Variants in AK2 observed in about 807,000 individuals in gnomAD.
AK2 encodes adenylate kinase 2.
Under a neutral mutation model 24.6 loss-of-function variants are expected in AK2, and 15 were observed. That is an observed-to-expected ratio of 0.61 (90% confidence interval 0.41 to 0.94). The LOEUF is 0.94. Ranked by LOEUF, AK2 falls within the 40% of genes least tolerant of loss-of-function variation. AK2 has a pLI of 0.00. For synonymous variants in AK2, 102 were observed against 114.0 expected, an observed-to-expected ratio of 0.90 and a Z score of 0.67; for missense variants, 257 against 304.1, an observed-to-expected ratio of 0.85 and a Z score of 1.15.
At position 33,012,350 on chromosome 1, in the gene AK2, A is replaced by G. The variant is rs1330718429; in HGVS notation, c.*831T>C. 4 of 1,528,206 alleles carry G rather than the reference A, an allele frequency of 2.6e-6. No homozygotes were observed. Among genetic ancestry groups the G allele is most frequent in the Admixed American group, 2.0e-5 (1 of 50,838 alleles). 94.7% of individuals were successfully genotyped at this position (1,528,206 alleles called of 1,614,324 possible). On this transcript the variant is annotated 3_prime_UTR_variant, in exon 6 of 6. Transcript: ENST00000672715. Reference sequence around the variant, plus strand: ...TGCCTTTTTCCTTCCACCTAGGGGGAAAAAATTAATGATCCCTGTTCACAC... The same window carrying G: ...TGCCTTTTTCCTTCCACCTAGGGGGGAAAAATTAATGATCCCTGTTCACAC...
In AK2 at chr1:33,010,984, G is replaced by T; in HGVS notation, c.*2197C>A. 1.3e-6 allele frequency: 2 copies of T among 1,535,008 alleles called. No individual in the cohort carries two copies. Among genetic ancestry groups the T allele is most frequent in the South Asian group, 1.2e-5 (1 of 81,928 alleles). On this transcript the variant is annotated 3_prime_UTR_variant, in exon 6 of 6. Transcript: ENST00000672715. ...AAAAGCAGAACCTGCTGAGGCTGAG[G>T]AACTCTGGAATTAAATGAAGCAAAA...
At position 33,036,755 on chromosome 1, in the gene AK2, C is replaced by T. The variant is rs1285282131; in HGVS notation, c.74G>A (p.Gly25Glu). The T allele has an allele frequency of 6.3e-7, 1 of 1,594,212 alleles. No individual in the cohort carries two copies. Among genetic ancestry groups the T allele is most frequent in the East Asian group, 2.3e-5 (1 of 44,132 alleles). Residue 25 changes from glycine (G) to glutamate (E), a missense_variant, in exon 1 of 6, where the codon GGG becomes GAG. Physicochemically the swap from Gly to Glu is moderately conservative, Grantham distance 98 (BLOSUM62 -2). Transcript: ENST00000672715. ...GCTCACCTGGGTCCCTTTACCGGCC[C>T]CGGGAGGCCCCAGCAGCACGGCCCG... is the stretch of plus-strand genomic sequence containing the variant. ...GIRAVLLGPP[G>E]AGKGTQAPRL...
chr1:33,013,694 C>T (rs1638995682), intron 5 of AK2, among the ~76,000 whole-genome samples: 3 of 152,050 alleles, frequency 2.0e-5, no homozygotes, highest in African/African-American at 4.8e-5. Context: ...TGTGCTCAGG[C>T]GATTCAGCTT....
chr1:33,024,337 A>G, intron 2 of AK2, 105 bp downstream of exon 2: 2 of 1,488,966 alleles, frequency 1.3e-6, no homozygotes, highest in Non-Finnish European at 1.9e-6. Flanking sequence ...TTTTACATTA[A>G]TTAAATTAAT....
At chr1:33,016,784 CA>C (rs1639217339) in intron 4 of AK2, among the ~76,000 whole-genome samples, 1 of 151,528 alleles carries the variant, frequency 6.6e-6, no homozygotes, top group Admixed American at 6.6e-5. Context: ...CGGCTCACTG[CA>C]ACCTCTGCCT....
At chr1:33,027,761 A>G (rs531097385) in intron 1 of AK2, among the ~76,000 whole-genome samples, 88 of 151,942 alleles carry the variant, frequency 5.8e-4, no homozygotes, top group Non-Finnish European at 9.6e-4. Flanking sequence ...AAAAAAAAAA[A>G]AAAGAAAAAG....
Position 33,008,442 on chromosome 1 carries a change from T to C in AK2, c.*4739A>G, listed in dbSNP as rs1344441500. 2 of 453,954 alleles carry C rather than the reference T, an allele frequency of 4.4e-6. No individual in the cohort carries two copies. The highest frequency in any genetic ancestry group is 8.8e-6 in the Non-Finnish European group (2 of 226,772). The allele number at this position is 453,954 out of a possible 1,614,324, so 28.1% of individuals were successfully genotyped here. On this transcript the variant is annotated 3_prime_UTR_variant, in exon 6 of 6. Coordinates refer to ENST00000672715, the MANE Select transcript of AK2 (RefSeq NM_001625.4). ...TGCACACAGGAGATCCTAAGACACATACCCTAGGCCCTCAGAGCCGGCAGT... is the reference window on the plus strand; with the variant it reads ...TGCACACAGGAGATCCTAAGACACACACCCTAGGCCCTCAGAGCCGGCAGT...
chr1:33,028,230 G>A (rs1266162848), intron 1 of AK2, among the ~76,000 whole-genome samples: 5 of 152,036 alleles, frequency 3.3e-5, no homozygotes, highest in East Asian at 3.9e-4. Flanking sequence ...CCGGCTGGGC[G>A]CGGTGGCTCA....
chr1:33,022,689 C>T (rs1329722316), intron 2 of AK2, among the ~76,000 whole-genome samples: 1 of 152,064 alleles, frequency 6.6e-6, no homozygotes, highest in Non-Finnish European at 1.5e-5. Flanking sequence ...CTCTCTAAAA[C>T]CCCAATAAGG....
At chr1:33,032,827 T>C (rs1294741634) in intron 1 of AK2, among the ~76,000 whole-genome samples, 7 of 152,162 alleles carry the variant, frequency 4.6e-5, no homozygotes, top group Admixed American at 3.9e-4. Context: ...GGAATACAAC[T>C]GAAAATTCCC....
Position 33,021,405 on chromosome 1 carries a change from G to C in AK2, c.387C>G (p.Ser129Arg), listed in dbSNP as rs372062388. Reference protein sequence around the residue: ...KEKLDSVIEFSIPDSLLIRRI... With the variant: ...KEKLDSVIEFRIPDSLLIRRI... ...TTCGGATCAGCAGAGAGTCTGGGATGCTGAATTCAATCACAGAATCAAGCT... is the reference window on the plus strand; with the variant it reads ...TTCGGATCAGCAGAGAGTCTGGGATCCTGAATTCAATCACAGAATCAAGCT... Residue 129 changes from serine (S) to arginine (R), a missense_variant, in exon 4 of 6, where the codon AGC (serine) becomes AGG (arginine). By Grantham distance (110) the Ser-to-Arg change is moderately radical (BLOSUM62 -1). Coordinates refer to ENST00000672715, the MANE Select transcript of AK2 (RefSeq NM_001625.4). 9.3e-6 allele frequency: 15 copies of C among 1,614,068 alleles called. No individual in the cohort carries two copies. Among genetic ancestry groups the C allele is most frequent in the Non-Finnish European group, 1.2e-5 (14 of 1,179,946 alleles).
chr1:33,013,201 C>G lies in AK2; in HGVS notation c.700G>C (p.Asp234His), dbSNP rs1339665059. ...LAAFSKATCK[D>H]LVMFI ...CAACATTAGATAAACATAACCAAGTCTTTACATGTGGCTTTGGAGAAGGCT... is the reference window on the plus strand; with the variant it reads ...CAACATTAGATAAACATAACCAAGTGTTTACATGTGGCTTTGGAGAAGGCT... The change falls in exon 6 of 6, where the codon GAC becomes CAC. Residue 234 changes from aspartate (D) to histidine (H), a missense_variant. By Grantham distance (81) the Asp-to-His change is moderately conservative (BLOSUM62 -1). Transcript: ENST00000672715. 1 of 1,614,078 alleles carries G rather than the reference C, an allele frequency of 6.2e-7. No homozygotes were observed. Among genetic ancestry groups the G allele is most frequent in the East Asian group, 2.2e-5 (1 of 44,892 alleles).
Position 33,012,671 on chromosome 1 carries a change from T to A in AK2, c.*510A>T. 4.0e-6 allele frequency: 5 copies of A among 1,264,904 alleles called. No individual in the cohort carries two copies. The highest frequency in any genetic ancestry group is 5.2e-6 in the Non-Finnish European group (5 of 968,722). The allele number at this position is 1,264,904 out of a possible 1,614,324, so 78.4% of individuals were successfully genotyped here. On this transcript the variant is annotated 3_prime_UTR_variant, in exon 6 of 6. Coordinates refer to ENST00000672715, the MANE Select transcript of AK2 (RefSeq NM_001625.4). ...TGGCACTTCAGGAGGCCAAGGTGGG[T>A]GGATTGCTTAAGCCTAGGAGTTCAA...
At position 33,021,753 on chromosome 1, in the gene AK2, G is replaced by C. The variant is rs776649848; in HGVS notation, c.220-50C>G. On this transcript the variant is annotated intron_variant, in intron 2 of 5. Transcript: ENST00000672715. ...TTGGGTTTAAATCCATTACCTAGGT[G>C]ACTGACATTAGCCCAACTCCACAGC... 48 of 1,432,556 alleles carry C rather than the reference G, an allele frequency of 3.4e-5. 1 individual carries two copies. The South Asian group carries it at 5.1e-4, about 15-fold the overall frequency. The allele number at this position is 1,432,556 out of a possible 1,614,324, so 88.7% of individuals were successfully genotyped here.
At chr1:33,022,361 T>A (rs1201795779) in intron 2 of AK2, among the ~76,000 whole-genome samples, 3 of 147,966 alleles carry the variant, frequency 2.0e-5, no homozygotes, top group Non-Finnish European at 4.5e-5. Context: ...CTTTTTTTTT[T>A]TTTTTTTTTT....
intron 4 of AK2, 120 bp from the exon 5 acceptor site, chr1:33,014,714 C>T: frequency 1.2e-6 from 1 of 824,776 alleles, no homozygotes; most frequent in South Asian, 1.3e-5. Flanking sequence ...ACCCAGCACC[C>T]AGCAGAAAAT....
At chr1:33,036,469 C>T (rs1009954969) in intron 1 of AK2, among the ~76,000 whole-genome samples, 3 of 152,200 alleles carry the variant, frequency 2.0e-5, no homozygotes, top group Admixed American at 2.0e-4. Context: ...GTCTCTAGAC[C>T]CTTAGTGGAA....
rs763055557 is a variant in AK2, at chr1:33,008,460, C to G, written c.*4721G>C. 1 of 453,978 alleles carries G rather than the reference C, an allele frequency of 2.2e-6. No individual in the cohort carries two copies. Among genetic ancestry groups the G allele is most frequent in the Admixed American group, 2.3e-5 (1 of 42,556 alleles). The allele number at this position is 453,978 out of a possible 1,614,324, so 28.1% of individuals were successfully genotyped here. A position where few individuals can be genotyped will look rare whatever the true frequency, so the allele number is the denominator to read the frequency against. ...AGACACATACCCTAGGCCCTCAGAG[C>G]CGGCAGTGACTTCTTCAAAATCAGT... On this transcript the variant is annotated 3_prime_UTR_variant, in exon 6 of 6. Transcript: ENST00000672715.
Position 33,036,874 on chromosome 1 carries a change from T to C in AK2, c.-46A>G, listed in dbSNP as rs993927571. ...GCCACCAGTTCGCACGCCTCACAGG[T>C]CCAGTGCTTCCCAGGTCAACGCACG... On this transcript the variant is annotated 5_prime_UTR_variant, in exon 1 of 6. Coordinates refer to ENST00000672715, the MANE Select transcript of AK2 (RefSeq NM_001625.4). The C allele has an allele frequency of 2.7e-6, 4 of 1,496,792 alleles. No homozygotes were observed. The highest frequency in any genetic ancestry group is 3.6e-6 in the Non-Finnish European group (4 of 1,096,120). 92.7% of individuals were successfully genotyped at this position (1,496,792 alleles called of 1,614,324 possible).
Sources: allele counts gnomAD v4.1 joint callset (sites outside exome capture counted in the v4.1 genomes callset), GRCh38; gene constraint gnomAD v4.1.1; transcripts MANE v1.5; gene names NCBI Gene and HGNC (gene_info 2026-07-23, HGNC 2026-07-21).